The following PUS7 variants were observed in gnomAD, a reference collection of about 807,000 sequenced individuals.
The protein encoded by PUS7 is pseudouridylate synthase 7 homolog.
PUS7 carries 48 observed loss-of-function variants against 79.8 expected under a neutral mutation model. That is an observed-to-expected ratio of 0.60 (90% CI 0.48 to 0.76). PUS7 has a LOEUF of 0.76. Ranked by LOEUF, PUS7 falls within the 30% of genes least tolerant of loss-of-function variation. PUS7 has a pLI of 0.00. For missense variants in PUS7, 729 were observed against 797.6 expected (o/e 0.91, Z 1.04); for synonymous variants, 286 against 272.2 (o/e 1.05, Z -0.50).
At chr7:105,464,466 C>T (rs751132440) in intron 13 of PUS7, among the ~76,000 whole-genome samples, 4 of 152,208 alleles carry the variant, frequency 2.6e-5, no homozygotes, top group Non-Finnish European at 5.9e-5. Context: ...GGTGGGCACA[C>T]ACCTCCAGTC....
chr7:105,481,058 A>G lies in PUS7; in HGVS notation c.1169T>C (p.Val390Ala). 1 of 1,608,544 alleles carries G rather than the reference A, an allele frequency of 6.2e-7. No homozygotes were observed. The highest frequency in any genetic ancestry group is 8.5e-7 in the Non-Finnish European group (1 of 1,177,556). The change falls in exon 9 of 16, where the codon GTT becomes GCT. Residue 390 changes from valine (V) to alanine (A), a missense_variant. Physicochemically the swap from Val to Ala is moderately conservative, Grantham distance 64 (BLOSUM62 0). Transcript: ENST00000469408. ...FGTTAVPTYQ[V>A]GRAILQNSWT... Reference sequence around the variant, plus strand: ...AAAGAAATTAAATACCAACCTTCCAACCTGATACGTAGGGACAGCTGTGGT... The same window carrying G: ...AAAGAAATTAAATACCAACCTTCCAGCCTGATACGTAGGGACAGCTGTGGT...
At chr7:105,468,571 G>A in intron 11 of PUS7, 108 bp from the exon 12 acceptor site, 1 of 978,320 alleles carries the variant, frequency 1.0e-6, no homozygotes, top group Non-Finnish European at 1.5e-6. Flanking sequence ...AGGCTGGAGT[G>A]CAGTGGCACG....
At chr7:105,514,844 A>T (rs13237419) in intron 1 of PUS7, among the ~76,000 whole-genome samples, 35 of 147,212 alleles carry the variant, frequency 2.4e-4, no homozygotes, top group East Asian at 4.1e-4. Context: ...CAGGCTGGAG[A>T]GCAGTGGCGC....
chr7:105,459,066 G>C, intron 15 of PUS7, 102 bp downstream of exon 15: 1 of 579,096 alleles, frequency 1.7e-6, no homozygotes, highest in Non-Finnish European at 3.0e-6. Flanking sequence ...GAAATCATGG[G>C]TGGTGGTAGT....
chr7:105,470,640 G>C (rs1334218976), intron 11 of PUS7, 48 bp downstream of exon 11: 2 of 1,487,488 alleles, frequency 1.3e-6, no homozygotes, highest in African/African-American at 2.8e-5. Context: ...AATTTAAAAA[G>C]CATTAAAACG....
chr7:105,494,947 A>T (rs759177902), intron 6 of PUS7, among the ~76,000 whole-genome samples, 195 bp downstream of exon 6: 1 of 149,770 alleles, frequency 6.7e-6, no homozygotes. Flanking sequence ...CATTCACTCC[A>T]GCCTGAGTGA....
intron 1 of PUS7, among the ~76,000 whole-genome samples, chr7:105,514,155 C>A (rs1334146603): frequency 7.3e-6 from 1 of 136,494 alleles, no homozygotes; most frequent in Non-Finnish European, 1.6e-5. Flanking sequence ...GGCGTGAACC[C>A]AGGAGGCGGA....
chr7:105,497,074 A>T (rs1825067173), intron 5 of PUS7: 1 of 852,298 alleles, frequency 1.2e-6, no homozygotes, highest in African/African-American at 1.8e-5. Context: ...GGTTAAGTTT[A>T]CACTGAGGAC....
In PUS7 at chr7:105,472,178, A is replaced by AT; in HGVS notation, c.1190dup (p.Asn397LysfsTer18). ...TTAAATCCATGACTTCTGTCCAGGAATTTTGTAGTATAGCTCTAAAATTAA... is the reference window on the plus strand; with the variant it reads ...TTAAATCCATGACTTCTGTCCAGGAATTTTTGTAGTATAGCTCTAAAATTAA... On this transcript the variant is annotated frameshift_variant, in exon 10 of 16. Coordinates refer to ENST00000469408, the MANE Select transcript of PUS7 (RefSeq NM_019042.5). LOFTEE classifies it high-confidence loss of function. The AT allele has an allele frequency of 1.3e-6, 2 of 1,592,248 alleles. No homozygotes were observed. Among genetic ancestry groups the AT allele is most frequent in the Non-Finnish European group, 1.7e-6 (2 of 1,162,030 alleles).
rs144058239 is a variant in PUS7, at chr7:105,501,038, T to C, written c.730+1382A>G. Among the ~76,000 whole-genome samples the C allele has an allele frequency of 3.9e-4, 60 of 152,300 alleles. 1 individual carries two copies. The East Asian group carries it at 0.011, about 28-fold the overall frequency. On this transcript the variant is annotated intron_variant, in intron 5 of 15. Transcript: ENST00000469408. ...CTCTTCCTCTGGAACTGCTCAGGTA[T>C]CTCATCTCTATAGCACTATCCAGAC...
At chr7:105,495,653 G>A (rs1053385574) in intron 5 of PUS7, among the ~76,000 whole-genome samples, 4 of 152,098 alleles carry the variant, frequency 2.6e-5, no homozygotes, top group African/African-American at 4.8e-5. Flanking sequence ...GCTGAGGTGG[G>A]AGGATCACAT....
intron 9 of PUS7, among the ~76,000 whole-genome samples, chr7:105,479,964 C>G (rs1009428582): frequency 4.6e-5 from 7 of 151,768 alleles, no homozygotes; most frequent in African/African-American, 1.7e-4. Flanking sequence ...CACCACTGCA[C>G]TCCAGCCTGG....
At chr7:105,464,347 T>C (rs1005156720) in intron 13 of PUS7, among the ~76,000 whole-genome samples, 1 of 152,156 alleles carries the variant, frequency 6.6e-6, no homozygotes, top group African/African-American at 2.4e-5. Flanking sequence ...TCCAGGTGGT[T>C]TGGCATTTGA....
Position 105,508,526 on chromosome 7 carries a change from A to G in PUS7, c.-14T>C. The G allele has an allele frequency of 2.5e-6, 4 of 1,602,090 alleles. No homozygotes were observed. Among genetic ancestry groups the G allele is most frequent in the Non-Finnish European group, 3.4e-6 (4 of 1,174,884 alleles). On this transcript the variant is annotated 5_prime_UTR_variant, in exon 2 of 16. Coordinates refer to ENST00000469408, the MANE Select transcript of PUS7 (RefSeq NM_019042.5). Reference sequence around the variant, plus strand: ...TGTCATCTCCATCTTTAAGGCTCCAAGAAAACATTTAAGAAAACCTGTTAG... The same window carrying G: ...TGTCATCTCCATCTTTAAGGCTCCAGGAAAACATTTAAGAAAACCTGTTAG...
chr7:105,485,851 A>G (rs970642215), intron 7 of PUS7, among the ~76,000 whole-genome samples: 25 of 151,966 alleles, frequency 1.6e-4, no homozygotes, highest in Admixed American at 1.4e-3. Context: ...GTTGGAGTGC[A>G]GTGGTGCGAT....
chr7:105,507,924 AAATT>A (rs1251705226), intron 2 of PUS7, among the ~76,000 whole-genome samples, 187 bp downstream of exon 2: 2 of 152,092 alleles, frequency 1.3e-5, no homozygotes, highest in Non-Finnish European at 2.9e-5. Flanking sequence ...AAAAGGGAAA[AAATT>A]AATTAATTAA....
intron 7 of PUS7, among the ~76,000 whole-genome samples, chr7:105,483,216 C>A (rs572591213): frequency 6.0e-5 from 9 of 151,156 alleles, no homozygotes; most frequent in African/African-American, 1.9e-4. Context: ...GTTGCCCAGA[C>A]TGGAGTGCAG....
chr7:105,465,268 T>C, intron 13 of PUS7, 45 bp downstream of exon 13: 1 of 1,357,692 alleles, frequency 7.4e-7, no homozygotes, highest in Non-Finnish European at 1.0e-6. Flanking sequence ...GTAGCTTCAT[T>C]ATGTTAAACT....
intron 5 of PUS7, among the ~76,000 whole-genome samples, chr7:105,498,615 T>C (rs867432397): frequency 6.6e-6 from 1 of 152,126 alleles, no homozygotes; most frequent in African/African-American, 2.4e-5. Flanking sequence ...GATGAAAAGA[T>C]GGGGTAGCAT....
Sources: gnomAD v4.1 joint callset for allele counts (sites outside exome capture counted in the v4.1 genomes callset) on GRCh38, gnomAD v4.1.1 for gene constraint, MANE v1.5 for transcripts, NCBI Gene and HGNC (gene_info 2026-07-23, HGNC 2026-07-21) for gene names.